STARD13: variants seen among roughly 807,000 people sequenced by gnomAD.
The protein encoded by STARD13 is StAR related lipid transfer domain containing 13.
A neutral mutation model predicts 106.4 loss-of-function variants in STARD13; 62 were observed. The ratio of observed to expected loss-of-function variants is 0.58; its 90% confidence interval spans 0.48 to 0.72. STARD13 has a LOEUF of 0.72. Ranked by LOEUF, STARD13 falls within the 30% of genes least tolerant of loss-of-function variation. STARD13 has a pLI of 0.00. For synonymous variants in STARD13, 565 were observed against 553.0 expected, an observed-to-expected ratio of 1.02 and a Z score of -0.31; for missense variants, 1,387 against 1,424.0, an observed-to-expected ratio of 0.97 and a Z score of 0.42.
the STARD13 span, among the ~76,000 whole-genome samples, chr13:33,472,820 G>A: frequency 6.6e-6 from 1 of 152,256 alleles, no homozygotes; most frequent in African/African-American, 2.4e-5. Context: ...TAGGCCTGAG[G>A]TCCAATTTAG....
the STARD13 span, among the ~76,000 whole-genome samples, chr13:33,631,638 T>G: frequency 1.3e-5 from 2 of 152,156 alleles, no homozygotes; most frequent in Admixed American, 1.3e-4. Context: ...TTGTTTATTT[T>G]AATCAAATGT....
At chr13:33,259,768 A>G (rs976512569) in intron 1 of STARD13, among the ~76,000 whole-genome samples, 1 of 152,170 alleles carries the variant, frequency 6.6e-6, no homozygotes, top group Non-Finnish European at 1.5e-5. Flanking sequence ...CTATTTATGC[A>G]GGCACTTCCT....
At chr13:33,558,141 A>T in the STARD13 span, among the ~76,000 whole-genome samples, 1 of 152,222 alleles carries the variant, frequency 6.6e-6, no homozygotes, top group African/African-American at 2.4e-5. Flanking sequence ...CTTTAAGAGG[A>T]AAAAAATAGT....
chr13:33,524,864 C>T, the STARD13 span, among the ~76,000 whole-genome samples: 3 of 152,138 alleles, frequency 2.0e-5, no homozygotes, highest in South Asian at 6.2e-4. Context: ...GGTGGGACCA[C>T]TTAAAATCTA....
At chr13:33,329,918 G>T (rs1055800700) in intron 1 of STARD13, among the ~76,000 whole-genome samples, 3 of 152,042 alleles carry the variant, frequency 2.0e-5, no homozygotes, top group African/African-American at 2.4e-5. Flanking sequence ...TGGCCAGGCT[G>T]GTCTTGAACT....
chr13:33,148,315 T>G (rs546854076), intron 3 of STARD13, among the ~76,000 whole-genome samples: 2 of 152,330 alleles, frequency 1.3e-5, no homozygotes, highest in East Asian at 3.9e-4. Context: ...AGAGCATATT[T>G]GCAAAAGATA....
chr13:33,633,087 A>G, the STARD13 span, among the ~76,000 whole-genome samples: 1 of 152,314 alleles, frequency 6.6e-6, no homozygotes, highest in South Asian at 2.1e-4. Context: ...GGTATGTTGT[A>G]AATAACAATA....
At chr13:33,661,903 C>CAAA in the STARD13 span, among the ~76,000 whole-genome samples, 43 of 122,048 alleles carry the variant, frequency 3.5e-4, no homozygotes, top group African/African-American at 1.2e-3. Context: ...GATCTCCTGG[C>CAAA]AAAAAAAAAA....
At chr13:33,156,930 G>C (rs1489108235) in intron 3 of STARD13, among the ~76,000 whole-genome samples, 1 of 152,054 alleles carries the variant, frequency 6.6e-6, no homozygotes, top group Non-Finnish European at 1.5e-5. Flanking sequence ...CCAATGACTT[G>C]CCCAAGAAAT....
At chr13:33,293,008 C>T (rs1051112820) in intron 1 of STARD13, among the ~76,000 whole-genome samples, 8 of 152,150 alleles carry the variant, frequency 5.3e-5, no homozygotes, top group Non-Finnish European at 2.9e-5. Context: ...AGTTGCCTTT[C>T]TGCACGTGCT....
the STARD13 span, among the ~76,000 whole-genome samples, chr13:33,673,489 CAG>C: frequency 6.6e-6 from 1 of 151,392 alleles, no homozygotes; most frequent in African/African-American, 2.4e-5. Flanking sequence ...TTAGATAAGA[CAG>C]AATATATACA....
chr13:33,154,038 C>G (rs998998618), intron 3 of STARD13, among the ~76,000 whole-genome samples: 2 of 152,206 alleles, frequency 1.3e-5, no homozygotes, highest in Non-Finnish European at 2.9e-5. Flanking sequence ...TGCTGGCGGA[C>G]TGTTGGAAAA....
At chr13:33,524,700 AT>A in the STARD13 span, among the ~76,000 whole-genome samples, 1 of 152,006 alleles carries the variant, frequency 6.6e-6, no homozygotes. Flanking sequence ...TATTTTATGT[AT>A]TTATTATAAT....
the STARD13 span, among the ~76,000 whole-genome samples, chr13:33,565,762 A>G: frequency 2.7e-5 from 4 of 148,354 alleles, no homozygotes; most frequent in Non-Finnish European, 4.5e-5. Context: ...ACATCAGCCA[A>G]TGGCCAGGAA....
intron 4 of STARD13, among the ~76,000 whole-genome samples, chr13:33,134,912 G>A (rs577922022): frequency 3.3e-5 from 5 of 152,358 alleles, no homozygotes; most frequent in African/African-American, 1.2e-4. Context: ...TCTGGCAGAT[G>A]TAAGCTTAAT....
the STARD13 span, among the ~76,000 whole-genome samples, chr13:33,373,818 T>G: frequency 2.0e-5 from 3 of 151,554 alleles, no homozygotes; most frequent in African/African-American, 7.3e-5. Flanking sequence ...GTAGAGAAAT[T>G]GGAATCTTCA....
intron 1 of STARD13, among the ~76,000 whole-genome samples, chr13:33,297,178 C>A (rs1293825910): frequency 6.6e-6 from 1 of 152,218 alleles, no homozygotes; most frequent in Non-Finnish European, 1.5e-5. Context: ...TGGCCAGTCT[C>A]CCAGAGCACC....
chr13:33,392,736 T>A, the STARD13 span, among the ~76,000 whole-genome samples: 3 of 152,222 alleles, frequency 2.0e-5, no homozygotes, highest in East Asian at 3.8e-4. Context: ...ATCACATCAT[T>A]GTATTCTGCC....
the STARD13 span, chr13:33,359,521 C>T: frequency 1.1e-4 from 19 of 177,114 alleles, no homozygotes; most frequent in African/African-American, 3.6e-4. Flanking sequence ...CCACCAATTC[C>T]GGACACAATG....
Sources: gnomAD v4.1 joint callset for allele counts (sites outside exome capture counted in the v4.1 genomes callset) on GRCh38, gnomAD v4.1.1 for gene constraint, MANE v1.5 for transcripts, NCBI Gene and HGNC (gene_info 2026-07-23, HGNC 2026-07-21) for gene names.